The following SORD variants were observed in gnomAD, a reference collection of about 807,000 sequenced individuals.
SORD encodes (R,R)-butanediol dehydrogenase.
SORD carries 18 observed loss-of-function variants against 35.6 expected under a neutral mutation model. The observed-to-expected ratio is 0.51, with a 90% CI of 0.35 to 0.75. The LOEUF is 0.75. Among genes scored for constraint, SORD ranks in the 30% least tolerant of loss-of-function variants. The pLI, the probability that SORD is intolerant of heterozygous loss-of-function variation, is 0.01. For synonymous variants in SORD, 106 were observed against 152.9 expected, an observed-to-expected ratio of 0.69 and a Z score of 2.26; for missense variants, 250 against 390.2, an observed-to-expected ratio of 0.64 and a Z score of 3.03.
chr15:45,025,283 C>G (rs116557213), intron 1 of SORD, among the ~76,000 whole-genome samples: 123 of 152,202 alleles, frequency 8.1e-4, no homozygotes, highest in African/African-American at 2.8e-3. Flanking sequence ...GAAGTGGTAG[C>G]GTCATTTACT....
chr15:45,071,807 A>T (rs1452176635), intron 7 of SORD, among the ~76,000 whole-genome samples: 4 of 122,616 alleles, frequency 3.3e-5, no homozygotes, highest in East Asian at 2.4e-4. Flanking sequence ...CTCTGGAACA[A>T]AAAGATTTCT....
chr15:45,062,259 C>G (rs1458072284), intron 4 of SORD, among the ~76,000 whole-genome samples: 2 of 152,248 alleles, frequency 1.3e-5, no homozygotes, highest in Admixed American at 1.3e-4. Context: ...AAACTGGGGT[C>G]TCTGTGAGTC....
At chr15:45,040,680 G>T (rs1049317167) in intron 2 of SORD, among the ~76,000 whole-genome samples, 1 of 152,148 alleles carries the variant, frequency 6.6e-6, no homozygotes, top group Admixed American at 6.5e-5. Flanking sequence ...AAAAATTACC[G>T]TACCAGACTG....
intron 3 of SORD, among the ~76,000 whole-genome samples, chr15:45,057,525 C>T (rs767509622): frequency 6.6e-6 from 1 of 152,188 alleles, no homozygotes; most frequent in Non-Finnish European, 1.5e-5. Flanking sequence ...TGGCTCACGC[C>T]TGTAATCCCA....
intron 1 of SORD, among the ~76,000 whole-genome samples, chr15:45,023,779 T>A (rs1892627241): frequency 6.6e-6 from 1 of 152,210 alleles, no homozygotes; most frequent in Non-Finnish European, 1.5e-5. Flanking sequence ...AACTTGTATT[T>A]AACTCCCTTG....
At chr15:45,050,832 G>A (rs1595502182) in intron 3 of SORD, among the ~76,000 whole-genome samples, 2 of 152,302 alleles carry the variant, frequency 1.3e-5, no homozygotes, top group East Asian at 3.9e-4. Context: ...ATTGTTAAAA[G>A]CTGTAGATAG....
intron 7 of SORD, among the ~76,000 whole-genome samples, chr15:45,069,420 C>A (rs1338827887): frequency 6.6e-6 from 1 of 151,808 alleles, no homozygotes; most frequent in Non-Finnish European, 1.5e-5. Context: ...CCGTGTTAGC[C>A]AGGATGGTCG....
At chr15:45,061,668 C>A (rs142520325) in intron 4 of SORD, among the ~76,000 whole-genome samples, 2 of 151,940 alleles carry the variant, frequency 1.3e-5, no homozygotes, top group East Asian at 3.9e-4. Flanking sequence ...GAGATCGAGA[C>A]CTTCCTGGCT....
intron 1 of SORD, among the ~76,000 whole-genome samples, chr15:45,035,197 C>A (rs944292173): frequency 1.3e-5 from 2 of 152,180 alleles, no homozygotes; most frequent in Non-Finnish European, 2.9e-5. Context: ...TCCCATCGAC[C>A]ACCCAAGGGC....
intron 3 of SORD, among the ~76,000 whole-genome samples, chr15:45,047,590 A>G (rs1048821795): frequency 6.6e-6 from 1 of 152,232 alleles, no homozygotes; most frequent in African/African-American, 2.4e-5. Context: ...GGTAAATGGC[A>G]GGACTTGATC....
chr15:45,069,331 C>T (rs1208209186), intron 7 of SORD, among the ~76,000 whole-genome samples: 1 of 151,086 alleles, frequency 6.6e-6, no homozygotes, highest in Non-Finnish European at 1.5e-5. Flanking sequence ...CTCAGCGTCC[C>T]GAGTAGCTGG....
At chr15:45,063,006 T>C (rs1024663186) in intron 4 of SORD, among the ~76,000 whole-genome samples, 4 of 148,282 alleles carry the variant, frequency 2.7e-5, no homozygotes, top group African/African-American at 7.8e-5. Context: ...GGTCTGGGCA[T>C]GGAGGTGCAG....
At chr15:45,031,658 T>A (rs1892788589) in intron 1 of SORD, among the ~76,000 whole-genome samples, 1 of 152,200 alleles carries the variant, frequency 6.6e-6, no homozygotes, top group South Asian at 2.1e-4. Context: ...GGTTTCACCA[T>A]GTTGCCCAGG....
chr15:45,059,180 C>T (rs1212627027), intron 3 of SORD, among the ~76,000 whole-genome samples: 1 of 152,018 alleles, frequency 6.6e-6, no homozygotes, highest in Admixed American at 6.6e-5. Flanking sequence ...CGAGGACCTG[C>T]CCTAACTGTC....
At chr15:45,057,739 C>T (rs1396043258) in intron 3 of SORD, among the ~76,000 whole-genome samples, 1 of 152,214 alleles carries the variant, frequency 6.6e-6, no homozygotes, top group South Asian at 2.1e-4. Flanking sequence ...GCCCAGATTG[C>T]ACCACTGCAC....
At chr15:45,072,870 C>A (rs1893534638) in intron 8 of SORD, among the ~76,000 whole-genome samples, 1 of 140,476 alleles carries the variant, frequency 7.1e-6, no homozygotes, top group Non-Finnish European at 1.5e-5. Flanking sequence ...TTAGTTTGCC[C>A]CACCCATGTT....
Position 45,065,323 on chromosome 15 carries a change from G to C in SORD, c.478G>C (p.Val160Leu). The change falls in exon 5 of 9, where the codon GTG becomes CTG. Residue 160 changes from valine to leucine, a missense_variant. Coordinates refer to ENST00000267814, the MANE Select transcript of SORD (RefSeq NM_003104.6). Reference protein sequence around the residue: ...EEGALIEPLSVGIHACRRGGV... With the variant: ...EEGALIEPLSLGIHACRRGGV... Reference sequence around the variant, plus strand: ...AGGCGCCCTGATCGAGCCACTTTCTGTGGGGATCCATGCCTGCAGGAGAGG... The same window carrying C: ...AGGCGCCCTGATCGAGCCACTTTCTCTGGGGATCCATGCCTGCAGGAGAGG... 2 of 1,614,000 alleles carry C rather than the reference G, an allele frequency of 1.2e-6. No homozygotes were observed. The highest frequency in any genetic ancestry group is 1.7e-6 in the Non-Finnish European group (2 of 1,179,890).
At chr15:45,032,360 T>C (rs1892800600) in intron 1 of SORD, among the ~76,000 whole-genome samples, 1 of 152,212 alleles carries the variant, frequency 6.6e-6, no homozygotes. Context: ...AAAGACTCCA[T>C]TTTGAGACAT....
chr15:45,028,177 A>C (rs112906907), intron 1 of SORD, among the ~76,000 whole-genome samples: 24,037 of 137,136 alleles, frequency 0.18, 6 homozygotes, highest in African/African-American at 0.43. Context: ...AAATACAAAA[A>C]TTAACTGGGT....
Sources: gnomAD v4.1 joint callset for allele counts (sites outside exome capture counted in the v4.1 genomes callset) on GRCh38, gnomAD v4.1.1 for gene constraint, MANE v1.5 for transcripts, NCBI Gene and HGNC (gene_info 2026-07-23, HGNC 2026-07-21) for gene names.